The following ATP6V1A variants were observed in gnomAD, a reference collection of about 807,000 sequenced individuals.
ATP6V1A encodes V-type proton ATPase catalytic subunit A.
ATP6V1A carries 18 observed loss-of-function variants against 70.1 expected under a neutral mutation model. That is an observed-to-expected ratio of 0.26 (90% CI 0.18 to 0.38). ATP6V1A has a LOEUF of 0.38. ATP6V1A is among the 10% of genes least tolerant of loss of function. The pLI is 1.00. For synonymous variants in ATP6V1A, 232 were observed against 253.8 expected (o/e 0.91, Z 0.82); for missense variants, 424 against 772.4 (o/e 0.55, Z 5.35).
At chr3:113,794,829 T>C (rs1243154461) in intron 8 of ATP6V1A, 43 bp from the exon 9 acceptor site, 7 of 1,566,584 alleles carry the variant, frequency 4.5e-6, no homozygotes, top group Non-Finnish European at 6.0e-6. Context: ...AGGATTTTTA[T>C]ATGCTAGCAT....
intron 1 of ATP6V1A, among the ~76,000 whole-genome samples, chr3:113,763,903 A>C (rs1708736512): frequency 6.6e-6 from 1 of 151,848 alleles, no homozygotes; most frequent in South Asian, 2.1e-4. Flanking sequence ...ATGAATTCTT[A>C]GGTGGTTGTC....
At chr3:113,780,889 T>G (rs1708970207) in intron 2 of ATP6V1A, 161 bp from the exon 3 acceptor site, 1 of 1,277,318 alleles carries the variant, frequency 7.8e-7, no homozygotes. Context: ...AAAATATATA[T>G]CTATGTGAAA....
At chr3:113,800,091 G>A (rs1383692990) in intron 12 of ATP6V1A, among the ~76,000 whole-genome samples, 1 of 152,012 alleles carries the variant, frequency 6.6e-6, no homozygotes, top group Non-Finnish European at 1.5e-5. Flanking sequence ...AATTAGCTGG[G>A]CATGGTGGCG....
At chr3:113,786,208 T>G in intron 5 of ATP6V1A, 24 bp from the exon 6 acceptor site, 1 of 1,583,064 alleles carries the variant, frequency 6.3e-7, no homozygotes, top group East Asian at 2.3e-5. Flanking sequence ...TTGACCATAC[T>G]AAAATCCTAC....
At chr3:113,769,565 C>G (rs905828567) in intron 1 of ATP6V1A, among the ~76,000 whole-genome samples, 9 of 152,230 alleles carry the variant, frequency 5.9e-5, no homozygotes, top group Non-Finnish European at 1.3e-4. Context: ...TTGCCCCCAA[C>G]AGCCATATCA....
At chr3:113,804,407 G>A (rs1465848144) in intron 13 of ATP6V1A, among the ~76,000 whole-genome samples, 1 of 152,060 alleles carries the variant, frequency 6.6e-6, no homozygotes, top group Admixed American at 6.6e-5. Flanking sequence ...GTCTCTGTTA[G>A]AGCACTCCAA....
chr3:113,806,778 G>A (rs1251187428), intron 14 of ATP6V1A, among the ~76,000 whole-genome samples: 7 of 152,004 alleles, frequency 4.6e-5, no homozygotes, highest in Admixed American at 4.6e-4. Context: ...ACTTTTAAGT[G>A]GCCTCTTGTT....
intron 1 of ATP6V1A, among the ~76,000 whole-genome samples, chr3:113,767,519 C>T (rs1708787503): frequency 6.6e-6 from 1 of 152,138 alleles, no homozygotes; most frequent in Admixed American, 6.6e-5. Context: ...TGAATCCGTA[C>T]ATCAGTTTTA....
chr3:113,749,971 G>T (rs1023399439), intron 1 of ATP6V1A, among the ~76,000 whole-genome samples: 1 of 152,122 alleles, frequency 6.6e-6, no homozygotes, highest in Non-Finnish European at 1.5e-5. Flanking sequence ...AATAAGTATG[G>T]TTATCATCAA....
Position 113,805,441 on chromosome 3 carries a change from C to G in ATP6V1A, c.1677C>G (p.Ala559=). 1 of 1,613,764 alleles carries G rather than the reference C, an allele frequency of 6.2e-7. No individual in the cohort carries two copies. ...DMARRAVETT[A]QSDNKITWSI... ...CTCGTAGAGCTGTTGAAACCACTGC[C>G]CAGAGTGACAATAAAATCACATGGT... is the stretch of plus-strand genomic sequence containing the variant. The change falls in exon 14 of 15, where the codon GCC becomes GCG. Residue 559 remains alanine (A), a synonymous_variant. Transcript: ENST00000273398.
chr3:113,782,541 T>TATATATATATATA (rs1708987473), intron 3 of ATP6V1A, among the ~76,000 whole-genome samples: 1 of 145,202 alleles, frequency 6.9e-6, no homozygotes, highest in Admixed American at 6.9e-5. Context: ...TCTCTCTCTC[T>TATATATATATATA]CTATATATAT....
At chr3:113,809,212 G>A (rs931127512) in intron 14 of ATP6V1A, 123 bp from the exon 15 acceptor site, 4 of 640,920 alleles carry the variant, frequency 6.2e-6, no homozygotes, top group Non-Finnish European at 1.0e-5. Context: ...CCAAGATCGT[G>A]CCACTGCACT....
chr3:113,784,639 G>A, intron 4 of ATP6V1A, 57 bp from the exon 5 acceptor site: 4 of 1,584,032 alleles, frequency 2.5e-6, no homozygotes, highest in Non-Finnish European at 3.5e-6. Context: ...ATAGCAGCAG[G>A]GGCAAGTCTA....
intron 11 of ATP6V1A, among the ~76,000 whole-genome samples, chr3:113,796,647 A>T (rs1276678147): frequency 7.2e-6 from 1 of 139,590 alleles, no homozygotes; most frequent in African/African-American, 2.8e-5. Flanking sequence ...AGCTATAGTT[A>T]AAAAAAAAAA....
intron 12 of ATP6V1A, among the ~76,000 whole-genome samples, chr3:113,800,546 C>G (rs1709199850): frequency 6.6e-6 from 1 of 152,114 alleles, no homozygotes; most frequent in South Asian, 2.1e-4. Flanking sequence ...TGATAGAAAA[C>G]TGTTTACTAT....
In ATP6V1A at chr3:113,810,693, G is replaced by C. The variant is rs933324560; in HGVS notation, c.*1266G>C. The C allele has an allele frequency of 1.3e-5, 2 of 152,236 alleles. No individual in the cohort carries two copies. The highest frequency in any genetic ancestry group is 2.9e-5 in the Non-Finnish European group (2 of 68,040). The allele number at this position is 152,236 out of a possible 1,614,324, so 9.4% of individuals were successfully genotyped here. ...AGATGTTTAGTAGCAATTAAAGGCT[G>C]TTTGCACCTTTAAGGACCAGCTGGG... On this transcript the variant is annotated 3_prime_UTR_variant, in exon 15 of 15. Transcript: ENST00000273398.
At chr3:113,794,708 A>C (rs1268988233) in intron 8 of ATP6V1A, among the ~76,000 whole-genome samples, 164 bp from the exon 9 acceptor site, 2 of 152,218 alleles carry the variant, frequency 1.3e-5, no homozygotes, top group Non-Finnish European at 2.9e-5. Context: ...GGATGCTAGG[A>C]AACAATTCAG....
chr3:113,807,136 T>C (rs1430655866), intron 14 of ATP6V1A, among the ~76,000 whole-genome samples: 1 of 151,888 alleles, frequency 6.6e-6, no homozygotes, highest in Non-Finnish European at 1.5e-5. Context: ...ATCAGAATTT[T>C]GATACGGATA....
At chr3:113,777,186 T>C (rs908437898) in intron 1 of ATP6V1A, among the ~76,000 whole-genome samples, 1 of 152,234 alleles carries the variant, frequency 6.6e-6, no homozygotes, top group Non-Finnish European at 1.5e-5. Context: ...CAATGTGAAC[T>C]TGGATAGTTC....
Sources: gnomAD v4.1 joint callset for allele counts (sites outside exome capture counted in the v4.1 genomes callset) on GRCh38, gnomAD v4.1.1 for gene constraint, MANE v1.5 for transcripts, NCBI Gene and HGNC (gene_info 2026-07-23, HGNC 2026-07-21) for gene names.